The following CADM2 variants were observed in gnomAD, a reference collection of about 807,000 sequenced individuals.
CADM2 encodes immunoglobulin superfamily member 4D.
A neutral mutation model predicts 49.8 loss-of-function variants in CADM2; 12 were observed. The observed-to-expected ratio is 0.24, with a 90% CI of 0.15 to 0.39. CADM2 has a LOEUF of 0.39. Among genes scored for constraint, CADM2 ranks in the 10% least tolerant of loss-of-function variants. The pLI is 1.00. For synonymous variants in CADM2, 214 were observed against 175.4 expected (o/e 1.22, Z -1.74); for missense variants, 378 against 492.3 (o/e 0.77, Z 2.20).
At chr3:85,496,960 C>T (rs982481824) in intron 1 of CADM2, among the ~76,000 whole-genome samples, 1 of 152,226 alleles carries the variant, frequency 6.6e-6, no homozygotes, top group Non-Finnish European at 1.5e-5. Flanking sequence ...TCTCCCGCCT[C>T]AGCCTCCCAA....
intron 1 of CADM2, among the ~76,000 whole-genome samples, chr3:85,363,864 G>GC (rs935733168): frequency 8.5e-5 from 13 of 152,134 alleles, no homozygotes; most frequent in African/African-American, 3.1e-4. Flanking sequence ...GCCCGCCTCG[G>GC]CCTCCTAAAG....
intron 1 of CADM2, among the ~76,000 whole-genome samples, chr3:85,616,049 T>C (rs2063792719): frequency 2.0e-5 from 3 of 151,856 alleles, no homozygotes; most frequent in African/African-American, 4.8e-5. Flanking sequence ...ATGAGCAGAG[T>C]TGACTGTGTA....
At chr3:85,471,795 G>C (rs1382188244) in intron 1 of CADM2, among the ~76,000 whole-genome samples, 1 of 149,164 alleles carries the variant, frequency 6.7e-6, no homozygotes, top group Non-Finnish European at 1.5e-5. Context: ...ACTGACAGTG[G>C]AAAAATACAA....
At chr3:86,036,416 G>T (rs1415536082) in intron 8 of CADM2, among the ~76,000 whole-genome samples, 2 of 151,980 alleles carry the variant, frequency 1.3e-5, no homozygotes, top group Non-Finnish European at 2.9e-5. Context: ...TTCTAAGGTT[G>T]ACCTTCCTAC....
intron 1 of CADM2, among the ~76,000 whole-genome samples, chr3:85,449,391 T>G (rs1229588088): frequency 6.6e-6 from 1 of 152,068 alleles, no homozygotes; most frequent in Non-Finnish European, 1.5e-5. Flanking sequence ...GCATGAACTA[T>G]CAATGTATAA....
intron 1 of CADM2, among the ~76,000 whole-genome samples, chr3:85,070,345 T>A (rs752428302): frequency 5.3e-5 from 8 of 152,162 alleles, no homozygotes; most frequent in Non-Finnish European, 1.0e-4. Context: ...TTAGCACAAA[T>A]TCCAAAATGT....
intron 1 of CADM2, among the ~76,000 whole-genome samples, chr3:85,044,559 T>C (rs2035573898): frequency 6.6e-6 from 1 of 152,164 alleles, no homozygotes; most frequent in Non-Finnish European, 1.5e-5. Context: ...AATGAGGATA[T>C]CCTTTGATAT....
intron 3 of CADM2, among the ~76,000 whole-genome samples, chr3:85,831,034 G>A (rs1022079725): frequency 4.6e-5 from 7 of 151,588 alleles, no homozygotes; most frequent in South Asian, 2.1e-4. Flanking sequence ...TGTTCCCATC[G>A]TTATGTTCAT....
At chr3:85,231,985 G>A (rs963124972) in intron 1 of CADM2, among the ~76,000 whole-genome samples, 9 of 151,880 alleles carry the variant, frequency 5.9e-5, no homozygotes, top group East Asian at 1.9e-4. Context: ...AAAGTGCTGG[G>A]ATTACAGACG....
chr3:85,576,771 G>T (rs1048687181), intron 1 of CADM2, among the ~76,000 whole-genome samples: 1 of 152,028 alleles, frequency 6.6e-6, no homozygotes, highest in African/African-American at 2.4e-5. Flanking sequence ...GAGAAAATCT[G>T]GTTTGAAGGA....
At position 85,431,863 on chromosome 3, in the gene CADM2, A is replaced by ATG. The variant is rs1258309404; in HGVS notation, c.62-294658_62-294657insGT. On this transcript the variant is annotated intron_variant, in intron 1 of 9. Transcript: ENST00000383699. The stretch of plus-strand genomic sequence containing the variant: ...ACCATGGTCTTATGCTTAATTGCAT[A>ATG]TATATATATGCCATGCTCTTTCTTC... 1.0e-3 allele frequency among the ~76,000 whole-genome samples: 111 copies of ATG among 110,294 alleles called. 13 individuals are homozygous for ATG. The highest frequency in any genetic ancestry group is 3.1e-3 in the African/African-American group (96 of 31,158). The allele number at this position is 110,294 out of a possible 152,430, so 72.4% of individuals were successfully genotyped here.
chr3:84,959,033 G>A lies in CADM2; in HGVS notation c.-575G>A. On this transcript the variant is annotated 5_prime_UTR_variant, in exon 1 of 10. Coordinates refer to ENST00000383699, the MANE Select transcript of CADM2 (RefSeq NM_001167675.2). ...CGCTGCCGCTGCCGCCACAGCCGCC[G>A]CTGCAGCCGGAGCATCCGGGAGCCG... The A allele has an allele frequency of 5.1e-6, 1 of 194,634 alleles. No homozygotes were observed. The highest frequency in any genetic ancestry group is 7.6e-5 in the South Asian group (1 of 13,084). The allele number at this position is 194,634 out of a possible 1,614,324, so 12.1% of individuals were successfully genotyped here.
At chr3:85,720,735 TG>T (rs1268342076) in intron 1 of CADM2, among the ~76,000 whole-genome samples, 1 of 152,116 alleles carries the variant, frequency 6.6e-6, no homozygotes, top group Non-Finnish European at 1.5e-5. Flanking sequence ...ATGTGATTAG[TG>T]AAAAAATGTG....
At chr3:85,345,313 CAAAAAAAAA>C (rs3085180) in intron 1 of CADM2, among the ~76,000 whole-genome samples, 6 of 47,176 alleles carry the variant, frequency 1.3e-4, no homozygotes, top group Non-Finnish European at 1.8e-4. Flanking sequence ...GTCTCCATCT[CAAAAAAAAA>C]AAAAAAAAAA....
chr3:85,247,081 G>A (rs2042666096), intron 1 of CADM2, among the ~76,000 whole-genome samples: 2 of 151,922 alleles, frequency 1.3e-5, no homozygotes, highest in East Asian at 3.9e-4. Flanking sequence ...GGAGCTTATT[G>A]TTACAATTGG....
chr3:85,643,361 ATTAT>A (rs2064785226), intron 1 of CADM2, among the ~76,000 whole-genome samples: 1 of 152,194 alleles, frequency 6.6e-6, no homozygotes, highest in Non-Finnish European at 1.5e-5. Context: ...GTAGACGTTA[ATTAT>A]TTGTTATAAC....
chr3:85,805,433 T>G (rs1457854640), intron 3 of CADM2: 2 of 152,154 alleles, frequency 1.3e-5, no homozygotes, highest in African/African-American at 2.4e-5. Context: ...AAGAAAGAAA[T>G]CCTTTGGCAA....
intron 2 of CADM2, among the ~76,000 whole-genome samples, chr3:85,753,057 T>C (rs1249192660): frequency 6.6e-6 from 1 of 152,122 alleles, no homozygotes. Context: ...AGATCTGCTT[T>C]CTATGATTGA....
chr3:85,449,471 T>C (rs2037648331), intron 1 of CADM2, among the ~76,000 whole-genome samples: 1 of 152,246 alleles, frequency 6.6e-6, no homozygotes, highest in South Asian at 2.1e-4. Flanking sequence ...GAGTGTTAAA[T>C]AGTTTTAAGC....
Sources: allele counts gnomAD v4.1 joint callset (sites outside exome capture counted in the v4.1 genomes callset), GRCh38; gene constraint gnomAD v4.1.1; transcripts MANE v1.5; gene names NCBI Gene and HGNC (gene_info 2026-07-23, HGNC 2026-07-21).